The following THSD4 variants were observed in gnomAD, a reference collection of about 807,000 sequenced individuals.
The protein encoded by THSD4 is thrombospondin type 1 domain containing 4.
THSD4 carries 69 observed loss-of-function variants against 119.0 expected under a neutral mutation model. The ratio of observed to expected loss-of-function variants is 0.58; its 90% CI spans 0.48 to 0.71. The LOEUF (loss-of-function observed/expected upper bound fraction) is 0.71, where lower values mean the gene tolerates loss of function less well. Among genes scored for constraint, THSD4 ranks in the 30% least tolerant of loss-of-function variants. THSD4 has a pLI of 0.00. For missense variants in THSD4, 1,393 were observed against 1,391.1 expected (o/e 1.00, Z -0.02); for synonymous variants, 524 against 540.4 (o/e 0.97, Z 0.42).
At chr15:71,505,226 G>A (rs2048169810) in intron 7 of THSD4, among the ~76,000 whole-genome samples, 1 of 152,168 alleles carries the variant, frequency 6.6e-6, no homozygotes, top group African/African-American at 2.4e-5. Context: ...GTAGTACAGA[G>A]ATTCTTCTCT....
chr15:71,763,080 A>T (rs562479359), intron 15 of THSD4, among the ~76,000 whole-genome samples: 214 of 151,690 alleles, frequency 1.4e-3, no homozygotes, highest in South Asian at 1.9e-3. Context: ...CAAAAAAAAA[A>T]TTTTTTTTTA....
intron 8 of THSD4, among the ~76,000 whole-genome samples, chr15:71,719,048 T>G (rs1234627299): frequency 6.6e-6 from 1 of 152,230 alleles, no homozygotes; most frequent in Non-Finnish European, 1.5e-5. Flanking sequence ...ACATAAACTT[T>G]CTTTAAAGTT....
intron 7 of THSD4, among the ~76,000 whole-genome samples, chr15:71,539,164 C>T (rs1234232045): frequency 6.6e-6 from 1 of 152,330 alleles, no homozygotes; most frequent in African/African-American, 2.4e-5. Context: ...CAGCAGAGAA[C>T]TCTTCTTTGC....
At chr15:71,495,933 G>A (rs938156383) in intron 7 of THSD4, among the ~76,000 whole-genome samples, 2 of 152,162 alleles carry the variant, frequency 1.3e-5, no homozygotes, top group African/African-American at 4.8e-5. Context: ...CAGCGTTCAG[G>A]ACAGGGCCTT....
intron 6 of THSD4, among the ~76,000 whole-genome samples, chr15:71,308,402 A>C (rs2045062776): frequency 6.6e-6 from 1 of 152,182 alleles, no homozygotes. Flanking sequence ...TTTTCCTGCT[A>C]GGGTGCTTAT....
chr15:71,450,699 T>C (rs2047251601), intron 7 of THSD4, among the ~76,000 whole-genome samples: 1 of 152,162 alleles, frequency 6.6e-6, no homozygotes, highest in South Asian at 2.1e-4. Flanking sequence ...GAGGGAAATG[T>C]GGCTTGCCCC....
At chr15:71,156,112 G>C (rs2141384753) in intron 3 of THSD4, among the ~76,000 whole-genome samples, 1 of 152,266 alleles carries the variant, frequency 6.6e-6, no homozygotes, top group South Asian at 2.1e-4. Flanking sequence ...TGCATGATAG[G>C]ACTCTTAGAA....
At chr15:71,512,290 G>A (rs539960663) in intron 7 of THSD4, among the ~76,000 whole-genome samples, 5 of 152,214 alleles carry the variant, frequency 3.3e-5, no homozygotes, top group African/African-American at 1.2e-4. Context: ...AAAAATGCTA[G>A]CAAATTACCC....
At chr15:71,583,860 G>C (rs1008430655) in intron 7 of THSD4, among the ~76,000 whole-genome samples, 11 of 152,118 alleles carry the variant, frequency 7.2e-5, no homozygotes, top group Non-Finnish European at 1.0e-4. Flanking sequence ...ATGTGCTCTT[G>C]AGAAGAACAT....
At chr15:71,687,833 G>A (rs2051950168) in intron 8 of THSD4, among the ~76,000 whole-genome samples, 2 of 151,040 alleles carry the variant, frequency 1.3e-5, no homozygotes. Context: ...ATATTTGAAT[G>A]CAAATATTTG....
chr15:71,484,077 T>C (rs1028218886), intron 7 of THSD4, among the ~76,000 whole-genome samples: 3 of 152,192 alleles, frequency 2.0e-5, no homozygotes, highest in African/African-American at 7.2e-5. Flanking sequence ...ATATTTCACA[T>C]TGGACCCATT....
chr15:71,708,333 C>T (rs543618946), intron 8 of THSD4, among the ~76,000 whole-genome samples: 13 of 152,278 alleles, frequency 8.5e-5, no homozygotes, highest in African/African-American at 2.9e-4. Flanking sequence ...AGACAATGCA[C>T]CTCCTTATTG....
At position 71,570,589 on chromosome 15, in the gene THSD4, G is replaced by A. The variant is rs147362977; in HGVS notation, c.1153-89941G>A. Among the ~76,000 whole-genome samples, 1,403 of 152,102 alleles carry A rather than the reference G, an allele frequency of 9.2e-3. 10 individuals are homozygous for A. The highest frequency in any genetic ancestry group is 0.016 in the Non-Finnish European group (1,085 of 67,990). ...GCCTGGCTAACTTTTTGTATTTTTA[G>A]TAGAGACGGAGTTTCACCATCAGAT... On this transcript the variant is annotated intron_variant, in intron 7 of 17. Transcript: ENST00000261862.
chr15:71,654,835 A>G (rs2051157995), intron 7 of THSD4, among the ~76,000 whole-genome samples: 1 of 152,276 alleles, frequency 6.6e-6, no homozygotes, highest in Non-Finnish European at 1.5e-5. Flanking sequence ...AGGTTACCCT[A>G]TCTCATGTGT....
intron 7 of THSD4, among the ~76,000 whole-genome samples, chr15:71,630,234 C>T (rs1293298345): frequency 1.3e-5 from 2 of 152,126 alleles, no homozygotes; most frequent in African/African-American, 4.8e-5. Context: ...ACTTCTTAGG[C>T]AAATGGATGA....
intron 8 of THSD4, among the ~76,000 whole-genome samples, chr15:71,693,125 T>G (rs1224034580): frequency 6.6e-6 from 1 of 151,398 alleles, no homozygotes. Context: ...GTGGGGAGGG[T>G]GGGGGGAAAC....
Position 71,748,444 on chromosome 15 carries a change from A to T in THSD4, c.2265A>T (p.Gly755=), listed in dbSNP as rs781379871. The part of the protein sequence containing the change: ...WTSCSVPCGV[G]QRTRDVKCVS... ...AGTGCTCGGTGCCCTGCGGCGTGGG[A>T]CAGAGGACCCGTGATGTGAAGTGTG... The change falls in exon 14 of 18, where the codon GGA becomes GGT. Residue 755 remains glycine (G), a synonymous_variant. Coordinates refer to ENST00000261862, the MANE Select transcript of THSD4 (RefSeq NM_024817.3). 8.7e-6 allele frequency: 14 copies of T among 1,614,020 alleles called. No homozygotes were observed. Among genetic ancestry groups the T allele is most frequent in the Non-Finnish European group, 9.3e-6 (11 of 1,180,040 alleles).
intron 7 of THSD4, among the ~76,000 whole-genome samples, chr15:71,458,982 A>G (rs2047377200): frequency 6.6e-6 from 1 of 152,068 alleles, no homozygotes; most frequent in Admixed American, 6.6e-5. Flanking sequence ...AGATGCTCAG[A>G]TGGAACTTTC....
chr15:71,742,257 A>T (rs1402786598), intron 11 of THSD4, among the ~76,000 whole-genome samples: 1 of 152,238 alleles, frequency 6.6e-6, no homozygotes, highest in Non-Finnish European at 1.5e-5. Flanking sequence ...GCATCATGAT[A>T]TCACCATCTC....
Sources: allele counts gnomAD v4.1 joint callset (sites outside exome capture counted in the v4.1 genomes callset), GRCh38; gene constraint gnomAD v4.1.1; transcripts MANE v1.5; gene names NCBI Gene and HGNC (gene_info 2026-07-23, HGNC 2026-07-21).